Variants in SNTG2 observed in about 807,000 individuals in gnomAD.
SNTG2 encodes syntrophin gamma 2.
SNTG2 carries 74 observed loss-of-function variants against 70.9 expected under a neutral mutation model. The ratio of observed to expected loss-of-function variants is 1.04; its 90% CI spans 0.86 to 1.27. SNTG2 has a LOEUF of 1.27. Among genes scored for constraint, SNTG2 ranks in the 50% most tolerant of loss-of-function variants. The probability of loss-of-function intolerance (pLI) is 0.00; values close to 1 mark genes in which losing one functional copy is unlikely to be tolerated. For synonymous variants in SNTG2, 278 were observed against 273.8 expected (o/e 1.02, Z -0.15); for missense variants, 717 against 690.7 (o/e 1.04, Z -0.43).
chr2:1,254,757 G>A (rs1296696259), intron 12 of SNTG2, among the ~76,000 whole-genome samples: 1 of 152,140 alleles, frequency 6.6e-6, no homozygotes. Flanking sequence ...CCATTATTAG[G>A]AAAACCATAG....
chr2:1,165,583 C>T lies in SNTG2; in HGVS notation c.447C>T (p.Thr149=), dbSNP rs759703997. 5 of 1,612,756 alleles carry T rather than the reference C, an allele frequency of 3.1e-6. No individual in the cohort carries two copies. Among genetic ancestry groups the T allele is most frequent in the Non-Finnish European group, 4.2e-6 (5 of 1,179,510 alleles). The change falls in exon 7 of 17, where the codon ACC becomes ACT. Residue 149 remains threonine (T), a synonymous_variant. Transcript: ENST00000308624. ...TGAGAAATGCTGGCGATGAAGTTACCATCACCGTTGAGTATCTCAGGGAAG... is the reference window on the plus strand; with the variant it reads ...TGAGAAATGCTGGCGATGAAGTTACTATCACCGTTGAGTATCTCAGGGAAG... ...HLLRNAGDEV[T]ITVEYLREAP...
At chr2:1,365,442 A>T (rs1254757756) in intron 16 of SNTG2, among the ~76,000 whole-genome samples, 2 of 152,222 alleles carry the variant, frequency 1.3e-5, no homozygotes, top group Non-Finnish European at 2.9e-5. Context: ...AATAAAGGAA[A>T]GATGAAGCCT....
At chr2:1,196,189 A>G (rs1483249074) in intron 8 of SNTG2, among the ~76,000 whole-genome samples, 1 of 152,212 alleles carries the variant, frequency 6.6e-6, no homozygotes, top group African/African-American at 2.4e-5. Context: ...ACAAGGAAAC[A>G]AACAGAAATC....
chr2:1,070,239 T>C (rs1035188190), intron 1 of SNTG2, among the ~76,000 whole-genome samples: 3 of 152,142 alleles, frequency 2.0e-5, no homozygotes, highest in Admixed American at 6.6e-5. Context: ...CTCTCTCTTA[T>C]TTCATCTCGA....
chr2:974,071 T>A (rs1360535171), intron 1 of SNTG2, among the ~76,000 whole-genome samples: 1 of 152,214 alleles, frequency 6.6e-6, no homozygotes, highest in African/African-American at 2.4e-5. Context: ...TTTATGGTTA[T>A]TTTTGGTTTT....
intron 1 of SNTG2, among the ~76,000 whole-genome samples, chr2:976,724 C>T (rs1660917890): frequency 6.6e-6 from 1 of 152,224 alleles, no homozygotes; most frequent in Non-Finnish European, 1.5e-5. Context: ...CTGCTGTCCA[C>T]TCCCCAGCCC....
In SNTG2 at chr2:1,054,936, GTTTTGT is replaced by G. The variant is rs113103411; in HGVS notation, c.73-28565_73-28560del. 1.8e-4 allele frequency among the ~76,000 whole-genome samples: 27 copies of G among 149,848 alleles called. No homozygotes were observed. In the South Asian group the frequency reaches 2.1e-3, roughly 12 times the overall value. ...TATTGCCAGGGTGATGGCTTTTTTTGTTTTGTTTTTGTTTTTGTTTTTTTTTCCCTA... is the reference window on the plus strand; with the variant it reads ...TATTGCCAGGGTGATGGCTTTTTTTGTTTTGTTTTTGTTTTTTTTTCCCTA... On this transcript the variant is annotated intron_variant, in intron 1 of 16. Coordinates refer to ENST00000308624, the MANE Select transcript of SNTG2 (RefSeq NM_018968.4).
Position 1,039,752 on chromosome 2 carries a change from C to A in SNTG2, c.73-43766C>A, listed in dbSNP as rs1420637101. Among the ~76,000 whole-genome samples the A allele has an allele frequency of 2.0e-5, 3 of 152,278 alleles. No individual in the cohort carries two copies. In the East Asian group the frequency reaches 5.8e-4, roughly 29 times the overall value. On this transcript the variant is annotated intron_variant, in intron 1 of 16. Coordinates refer to ENST00000308624, the MANE Select transcript of SNTG2 (RefSeq NM_018968.4). ...AATATAAGCGCTGCTCCTAATAACACCACTGGGAAGCTGTGCAGCTGCTCC... is the reference window on the plus strand; with the variant it reads ...AATATAAGCGCTGCTCCTAATAACAACACTGGGAAGCTGTGCAGCTGCTCC...
At chr2:974,991 G>C (rs1660862660) in intron 1 of SNTG2, among the ~76,000 whole-genome samples, 1 of 152,122 alleles carries the variant, frequency 6.6e-6, no homozygotes, top group Admixed American at 6.6e-5. Context: ...ATTTGAAACA[G>C]AGAGTGCATG....
chr2:1,262,765 C>CGGAAGG (rs1678504138), intron 13 of SNTG2: 1 of 151,428 alleles, frequency 6.6e-6, no homozygotes, highest in South Asian at 2.1e-4. Flanking sequence ...ACGAGGCAAC[C>CGGAAGG]CGAAGGCTCC....
chr2:1,304,449 C>T (rs949536370), intron 14 of SNTG2, among the ~76,000 whole-genome samples: 1 of 152,190 alleles, frequency 6.6e-6, no homozygotes, highest in Non-Finnish European at 1.5e-5. Flanking sequence ...TTGTCTTGGC[C>T]GGTGCGGTGG....
chr2:960,402 G>T (rs1341073129), intron 1 of SNTG2, among the ~76,000 whole-genome samples: 1 of 152,210 alleles, frequency 6.6e-6, no homozygotes, highest in African/African-American at 2.4e-5. Context: ...ATGCTTTTCA[G>T]GGTAGGGTCA....
Position 1,012,190 on chromosome 2 carries a change from T to TA in SNTG2, c.72+61124dup, listed in dbSNP as rs1300788162. ...CCCAGTGGAGAAGCCGTAACAACAC[T>TA]AAGCGTGGGGAACTGTCAAGGCTGT... is the stretch of plus-strand genomic sequence containing the variant. On this transcript the variant is annotated intron_variant, in intron 1 of 16. Coordinates refer to ENST00000308624, the MANE Select transcript of SNTG2 (RefSeq NM_018968.4). Among the ~76,000 whole-genome samples, 5 of 152,358 alleles carry TA rather than the reference T, an allele frequency of 3.3e-5. No homozygotes were observed. The East Asian group carries it at 9.6e-4, about 29-fold the overall frequency.
intron 4 of SNTG2, among the ~76,000 whole-genome samples, chr2:1,124,432 C>A (rs2148296376): frequency 6.6e-6 from 1 of 152,048 alleles, no homozygotes; most frequent in Non-Finnish European, 1.5e-5. Context: ...GTAGCTGGGA[C>A]TACAGGTGCT....
At chr2:1,334,512 T>C (rs146072917) in intron 16 of SNTG2, among the ~76,000 whole-genome samples, 615 of 152,214 alleles carry the variant, frequency 4.0e-3, no homozygotes, top group African/African-American at 0.014. Flanking sequence ...AGCAGCACAA[T>C]TAGCAATTTC....
At chr2:1,181,656 C>T (rs185124757) in intron 8 of SNTG2, among the ~76,000 whole-genome samples, 1 of 152,054 alleles carries the variant, frequency 6.6e-6, no homozygotes, top group Non-Finnish European at 1.5e-5. Flanking sequence ...CCTGAGCTAC[C>T]TTATATATTT....
At chr2:1,178,764 C>CT (rs1473436331) in intron 8 of SNTG2, among the ~76,000 whole-genome samples, 2 of 152,040 alleles carry the variant, frequency 1.3e-5, no homozygotes, top group Non-Finnish European at 2.9e-5. Context: ...CTAAAATTCT[C>CT]TTTTTTTGTT....
At chr2:1,152,834 C>A (rs548300944) in intron 6 of SNTG2, among the ~76,000 whole-genome samples, 1 of 152,246 alleles carries the variant, frequency 6.6e-6, no homozygotes, top group South Asian at 2.1e-4. Flanking sequence ...TATAAAATGC[C>A]TTCACAAGGC....
chr2:1,340,375 C>T lies in SNTG2; in HGVS notation c.1488+24000C>T, dbSNP rs189615352. On this transcript the variant is annotated intron_variant, in intron 16 of 16. Coordinates refer to ENST00000308624, the MANE Select transcript of SNTG2 (RefSeq NM_018968.4). ...CGATTACAAAACGCCATTCTTTATC[C>T]TTTCCAGGATAGAAAGGGCAAACAT... 3.6e-4 allele frequency among the ~76,000 whole-genome samples: 55 copies of T among 152,314 alleles called. 1 individual carries two copies. In the East Asian group the frequency reaches 0.01, roughly 28 times the overall value.
Sources: allele counts gnomAD v4.1 joint callset (sites outside exome capture counted in the v4.1 genomes callset), GRCh38; gene constraint gnomAD v4.1.1; transcripts MANE v1.5; gene names NCBI Gene and HGNC (gene_info 2026-07-23, HGNC 2026-07-21).